Variants in SLC7A3 observed in about 807,000 individuals in gnomAD.
The protein encoded by SLC7A3 is solute carrier family 7 member 3.
In SLC7A3, 3 loss-of-function variants were observed where a neutral mutation model predicts 33.2. The observed-to-expected ratio is 0.09, with a 90% CI of 0.04 to 0.23. The LOEUF is 0.23. SLC7A3 is among the 10% of genes least tolerant of loss of function. The pLI is 1.00. For missense variants in SLC7A3, 360 were observed against 488.8 expected (o/e 0.74, Z 2.48); for synonymous variants, 193 against 195.1 (o/e 0.99, Z 0.09).
intron 2 of SLC7A3, 62 bp from the exon 3 acceptor site, chrX:70,929,064 A>C: frequency 1.8e-6 from 2 of 1,093,589 alleles, no homozygotes; most frequent in Non-Finnish European, 2.5e-6. Flanking sequence ...CCAGGCTCAC[A>C]CAAGTCCCTG....
In SLC7A3 at chrX:70,926,936, T is replaced by C. The variant is rs749880681; in HGVS notation, c.1392A>G (p.Pro464=). The change falls in exon 9 of 12, where the codon CCA becomes CCG. Residue 464 remains proline (P), a synonymous_variant. Coordinates refer to ENST00000374299, the MANE Select transcript of SLC7A3 (RefSeq NM_032803.6). The stretch of plus-strand genomic sequence containing the variant: ...AGAGTGGAGTGGGGATGGAGTTGAG[T>C]GGGAAAAATAGTCCCCATAGGGTCA... ...EKLTLWGLFF[P]LNSIPTPLSG... 8.3e-7 allele frequency: 1 copy of C among 1,208,852 alleles called. No individual in the cohort carries two copies. Among genetic ancestry groups the C allele is most frequent in the Non-Finnish European group, 1.1e-6 (1 of 895,011 alleles).
chrX:70,926,503 G>A (rs775215692), intron 10 of SLC7A3, 24 bp downstream of exon 10: 4 of 1,183,307 alleles, frequency 3.4e-6, no homozygotes, highest in Non-Finnish European at 4.5e-6. Flanking sequence ...GGGCTGGCAA[G>A]GAAAAAAGAC....
chrX:70,926,761 C>A, intron 9 of SLC7A3, 68 bp from the exon 10 acceptor site: 1 of 1,158,323 alleles, frequency 8.6e-7, no homozygotes. Flanking sequence ...CATTAGAAAC[C>A]CTGTTCCAAG....
Position 70,929,760 on chromosome X carries a change from C to A in SLC7A3, c.238G>T (p.Ala80Ser). 5 of 1,211,060 alleles carry A rather than the reference C, an allele frequency of 4.1e-6. No individual in the cohort carries two copies. Among genetic ancestry groups the A allele is most frequent in the Non-Finnish European group, 5.6e-6 (5 of 895,159 alleles). Residue 80 changes from alanine to serine, a missense_variant, in exon 2 of 12, where the codon GCT becomes TCT. Physicochemically the swap from Ala to Ser is moderately conservative, Grantham distance 99 (BLOSUM62 1). Transcript: ENST00000374299. ...CCAAACTCCGCATAGCACAGCCCAG[C>A]CAACACAGAAGACAGGGCAGCCACC... The part of the protein sequence containing the change: ...FLVAALSSVL[A>S]GLCYAEFGAR...
At position 70,928,993 on chromosome X, in the gene SLC7A3, C is replaced by G; in HGVS notation, c.380G>C (p.Ser127Thr). The change falls in exon 3 of 12, where the codon AGT (serine) becomes ACT (threonine). Residue 127 changes from serine to threonine, a missense_variant. Ser to Thr is a moderately conservative substitution (Grantham distance 58, BLOSUM62 1). Transcript: ENST00000374299. The part of the protein sequence containing the change: ...LILSYVIGTA[S>T]VARAWSSAFD... Reference sequence around the variant, plus strand: ...AGCAGAGCTCCAGGCCCGGGCCACACTGGCTGTACCTGGTGTAGCAGAGAG... The same window carrying G: ...AGCAGAGCTCCAGGCCCGGGCCACAGTGGCTGTACCTGGTGTAGCAGAGAG... 8.3e-7 allele frequency: 1 copy of G among 1,211,683 alleles called. No homozygotes were observed. The highest frequency in any genetic ancestry group is 1.1e-6 in the Non-Finnish European group (1 of 895,228).
Position 70,927,414 on chromosome X carries a change from G to T in SLC7A3, c.1184-30C>A, listed in dbSNP as rs370483933. 4 of 1,206,648 alleles carry T rather than the reference G, an allele frequency of 3.3e-6. No homozygotes were observed. In the African/African-American group the frequency reaches 7.0e-5, roughly 21 times the overall value. On this transcript the variant is annotated intron_variant, in intron 7 of 11. Transcript: ENST00000374299. ...AATTAATAGGCAGGAAACAAGAAAT[G>T]AGAGAAGGGAGTGGCAAAGTTAAAG...
chrX:70,927,425 G>A (rs2091899361), intron 7 of SLC7A3, 41 bp from the exon 8 acceptor site: 2 of 1,207,402 alleles, frequency 1.7e-6, no homozygotes, highest in Non-Finnish European at 2.2e-6. Flanking sequence ...AGAGAAGGGA[G>A]TGGCAAAGTT....
At chrX:70,929,564 G>A in intron 2 of SLC7A3, 64 bp downstream of exon 2, 16 of 1,136,293 alleles carry the variant, frequency 1.4e-5, no homozygotes, top group Non-Finnish European at 1.9e-5. Context: ...CTTCCACCCA[G>A]ATTTCCTGAC....
At chrX:70,928,822 T>C (rs1287169602) in intron 3 of SLC7A3, 22 bp downstream of exon 3, 2 of 1,207,444 alleles carry the variant, frequency 1.7e-6, no homozygotes, top group East Asian at 3.0e-5. Flanking sequence ...CCCCCACCAT[T>C]ATACCCTGCT....
rs1452835015 is a variant in SLC7A3 at position 70,927,020 on chromosome X, T to G, written c.1308A>C (p.Thr436=). 1 of 1,209,297 alleles carries G rather than the reference T, an allele frequency of 8.3e-7. No homozygotes were observed. Among genetic ancestry groups the G allele is most frequent in the Non-Finnish European group, 1.1e-6 (1 of 894,536 alleles). ...GCAACTCCACTTCTTCCCCAGTCTTTGTCTCCTGATCAGGTTGATACCTGA... is the reference window on the plus strand; with the variant it reads ...GCAACTCCACTTCTTCCCCAGTCTTGGTCTCCTGATCAGGTTGATACCTGA... ...LILRYQPDQE[T]KTGEEVELQE... is the part of the protein sequence containing the mutation. The change falls in exon 9 of 12, where the codon ACA becomes ACC. Residue 436 remains threonine, a synonymous_variant. Transcript: ENST00000374299.
Position 70,925,823 on chromosome X carries a change from T to G in SLC7A3, c.1850A>C (p.His617Pro), listed in dbSNP as rs1447181189. 2 of 1,209,271 alleles carry G rather than the reference T, an allele frequency of 1.7e-6. No individual in the cohort carries two copies. Among genetic ancestry groups the G allele is most frequent in the African/African-American group, 3.5e-5 (2 of 56,939 alleles). ...TTAGGTGTGACGATGTCAAACTGAG[T>G]GGACATAGAGAGTGCCGGGATCAAG... ...VDLDPGTLYV[H>P]SV The change falls in exon 12 of 12, where the codon CAC becomes CCC. Residue 617 changes from histidine (H) to proline (P), a missense_variant. By Grantham distance (77) the His-to-Pro change is moderately conservative. Coordinates refer to ENST00000374299, the MANE Select transcript of SLC7A3 (RefSeq NM_032803.6).
rs191422299 is a variant in SLC7A3 at position 70,925,912 on chromosome X, C to A, written c.1761G>T (p.Gln587His). The change falls in exon 12 of 12, where the codon CAG becomes CAT. Residue 587 changes from glutamine to histidine, a missense_variant. Gln to His is a conservative substitution (Grantham distance 24, BLOSUM62 0). Coordinates refer to ENST00000374299, the MANE Select transcript of SLC7A3 (RefSeq NM_032803.6). ...GFAIYFGYGIQHSLEEIKSNQ... is the reference protein window; with the variant it reads ...GFAIYFGYGIHHSLEEIKSNQ... Reference sequence around the variant, plus strand: ...TACTCTTAATCTCTTCCAGGCTGTGCTGGATCCCATAGCCGAAGTAGATAG... The same window carrying A: ...TACTCTTAATCTCTTCCAGGCTGTGATGGATCCCATAGCCGAAGTAGATAG... 8.3e-7 allele frequency: 1 copy of A among 1,211,633 alleles called. No homozygotes were observed. Among genetic ancestry groups the A allele is most frequent in the Non-Finnish European group, 1.1e-6 (1 of 895,464 alleles).
rs748180172 is a variant in SLC7A3, at chrX:70,926,933, G to C, written c.1395C>G (p.Leu465=). The change falls in exon 9 of 12, where the codon CTC becomes CTG. Residue 465 remains leucine (L), a synonymous_variant. Coordinates refer to ENST00000374299, the MANE Select transcript of SLC7A3 (RefSeq NM_032803.6). ...CAGAGAGTGGAGTGGGGATGGAGTT[G>C]AGTGGGAAAAATAGTCCCCATAGGG... ...KLTLWGLFFP[L]NSIPTPLSGQ... The C allele has an allele frequency of 8.3e-7, 1 of 1,209,339 alleles. No individual in the cohort carries two copies. The highest frequency in any genetic ancestry group is 1.8e-5 in the South Asian group (1 of 56,635).
chrX:70,928,104 A>T (rs369544529), intron 5 of SLC7A3, 41 bp downstream of exon 5: 1 of 1,179,940 alleles, frequency 8.5e-7, no homozygotes, highest in Admixed American at 2.2e-5. Flanking sequence ...CTGGGCACAC[A>T]CTGTGCCCAA....
Position 70,928,910 on chromosome X carries a change from G to A in SLC7A3, c.463C>T (p.His155Tyr). The A allele has an allele frequency of 8.3e-7, 1 of 1,211,150 alleles. No individual in the cohort carries two copies. Among genetic ancestry groups the A allele is most frequent in the Non-Finnish European group, 1.1e-6 (1 of 895,094 alleles). ...SKTLQGSIAL[H>Y]VPHVLAEYPD... is the part of the protein sequence containing the mutation. ...TATTCTGCAAGGACATGGGGCACGT[G>A]CAGTGCAATGGACCCCTGCAGAGTC... The change falls in exon 3 of 12, where the codon CAC becomes TAC. Residue 155 changes from histidine (H) to tyrosine (Y), a missense_variant. His to Tyr is a moderately conservative substitution (Grantham distance 83). Transcript: ENST00000374299.
chrX:70,927,455 C>A (rs370918524), intron 7 of SLC7A3, 29 bp downstream of exon 7: 250 of 1,209,273 alleles, frequency 2.1e-4, no homozygotes, highest in Non-Finnish European at 2.7e-4. Flanking sequence ...GGCGAAACAA[C>A]TAAGGGAAGG....
At chrX:70,926,220 G>T in intron 10 of SLC7A3, 42 bp from the exon 11 acceptor site, 1 of 1,087,003 alleles carries the variant, frequency 9.2e-7, no homozygotes, top group South Asian at 2.0e-5. Flanking sequence ...ACCACAGGTT[G>T]ACCTAGAAAG....
In SLC7A3 at chrX:70,928,192, G is replaced by A. The variant is rs766296825; in HGVS notation, c.773C>T (p.Ala258Val). Residue 258 changes from alanine to valine, a missense_variant, in exon 5 of 12, where the codon GCG (alanine) becomes GTG (valine). Physicochemically the swap from Ala to Val is moderately conservative, Grantham distance 64 (BLOSUM62 0). Coordinates refer to ENST00000374299, the MANE Select transcript of SLC7A3 (RefSeq NM_032803.6). ...ACCAACAAATGCATAGAAACAGGTC[G>A]CTGCTCCACGGAGAATTCCCTCGAA... ...FGFEGILRGA[A>V]TCFYAFVGFD... 7 of 1,211,398 alleles carry A rather than the reference G, an allele frequency of 5.8e-6. No homozygotes were observed. Among genetic ancestry groups the A allele is most frequent in the Non-Finnish European group, 7.8e-6 (7 of 895,294 alleles).
At position 70,928,897 on chromosome X, in the gene SLC7A3, A is replaced by T. The variant is rs2091903962; in HGVS notation, c.476T>A (p.Val159Asp). The stretch of plus-strand genomic sequence containing the variant: ...AAAGAAATCTGGATATTCTGCAAGG[A>T]CATGGGGCACGTGCAGTGCAATGGA... Reference protein sequence around the residue: ...QGSIALHVPHVLAEYPDFFAL... With the variant: ...QGSIALHVPHDLAEYPDFFAL... The change falls in exon 3 of 12, where the codon GTC becomes GAC. Residue 159 changes from valine to aspartate, a missense_variant. Transcript: ENST00000374299. The T allele has an allele frequency of 8.3e-7, 1 of 1,209,417 alleles. No individual in the cohort carries two copies. Among genetic ancestry groups the T allele is most frequent in the African/African-American group, 1.8e-5 (1 of 57,025 alleles).
Sources: gnomAD v4.1 joint callset for allele counts on GRCh38, gnomAD v4.1.1 for gene constraint, MANE v1.5 for transcripts, NCBI Gene and HGNC (gene_info 2026-07-23, HGNC 2026-07-21) for gene names.